TBC1D19: variants seen among roughly 807,000 people sequenced by gnomAD.
TBC1D19 encodes TBC1 domain family, member 19.
TBC1D19 carries 60 observed loss-of-function variants against 89.0 expected under a neutral mutation model. The ratio of observed to expected loss-of-function variants is 0.67; its 90% CI spans 0.55 to 0.84. TBC1D19 has a LOEUF of 0.84. Among genes scored for constraint, TBC1D19 ranks in the 40% least tolerant of loss-of-function variants. TBC1D19 has a pLI of 0.00. For synonymous variants in TBC1D19, 189 were observed against 199.7 expected (o/e 0.95, Z 0.45); for missense variants, 500 against 610.8 (o/e 0.82, Z 1.91).
At chr4:26,731,552 G>T (rs547821340) in intron 15 of TBC1D19, among the ~76,000 whole-genome samples, 6 of 152,276 alleles carry the variant, frequency 3.9e-5, no homozygotes, top group Admixed American at 3.3e-4. Flanking sequence ...ACCAGAAGGA[G>T]CCTGAGGATA....
At chr4:26,661,149 C>G (rs1472839126) in intron 8 of TBC1D19, among the ~76,000 whole-genome samples, 4 of 152,084 alleles carry the variant, frequency 2.6e-5, no homozygotes, top group African/African-American at 9.7e-5. Context: ...CCTCCTCCCC[C>G]ACAGAAGACC....
chr4:26,840,645 T>C, the TBC1D19 span, among the ~76,000 whole-genome samples: 1 of 152,180 alleles, frequency 6.6e-6, no homozygotes, highest in Admixed American at 6.5e-5. Context: ...TGGGAAATGT[T>C]GTAGACCCAG....
the TBC1D19 span, among the ~76,000 whole-genome samples, chr4:26,797,169 T>G: frequency 6.6e-6 from 1 of 152,024 alleles, no homozygotes; most frequent in Non-Finnish European, 1.5e-5. Flanking sequence ...CACTTGATAA[T>G]CAACTTCAGT....
At chr4:26,663,278 C>T (rs1745323976) in intron 8 of TBC1D19, among the ~76,000 whole-genome samples, 2 of 152,140 alleles carry the variant, frequency 1.3e-5, no homozygotes, top group African/African-American at 2.4e-5. Flanking sequence ...CATGCCTCAC[C>T]AGTGAAACAT....
chr4:26,653,966 C>T (rs1744596834), intron 7 of TBC1D19, among the ~76,000 whole-genome samples: 1 of 152,166 alleles, frequency 6.6e-6, no homozygotes, highest in Admixed American at 6.5e-5. Flanking sequence ...TTCTTCCTAG[C>T]CTTGATGGTC....
chr4:26,757,795 TGTCTAGTCTA>T (rs571716681), downstream of TBC1D19, among the ~76,000 whole-genome samples: 1 of 152,204 alleles, frequency 6.6e-6, no homozygotes, highest in South Asian at 2.1e-4. Flanking sequence ...CATTAAGAAG[TGTCTAGTCTA>T]GTCTAGTCTA....
chr4:26,712,515 A>G lies in TBC1D19; in HGVS notation c.955-5418A>G, dbSNP rs147992994. ...ATCCTTGGTTACATTGGGCCCAGCC[A>G]GACAATCCTAAATAATCTCCCCATT... is the stretch of plus-strand genomic sequence containing the variant. On this transcript the variant is annotated intron_variant, in intron 13 of 20. Transcript: ENST00000264866. Among the ~76,000 whole-genome samples, 14 of 152,208 alleles carry G rather than the reference A, an allele frequency of 9.2e-5. No individual in the cohort carries two copies. In the East Asian group the frequency reaches 2.7e-3, roughly 29 times the overall value.
the TBC1D19 span, among the ~76,000 whole-genome samples, chr4:26,804,360 GGT>G: frequency 1.3e-5 from 2 of 152,120 alleles, no homozygotes; most frequent in Non-Finnish European, 2.9e-5. Context: ...TGGCCAGGTT[GGT>G]CTTGAACTGC....
chr4:26,735,108 A>ACACATGTATATATGTATG lies in TBC1D19; in HGVS notation c.1085-347_1085-346insCACATGTATATATGTATG, dbSNP rs1317975746. On this transcript the variant is annotated intron_variant, in intron 15 of 20. Transcript: ENST00000264866. ...TATGTATACACATGTATATATGTAT[A>ACACATGTATATATGTATG]TATGTATACACATGTGTGTGTATAT... Among the ~76,000 whole-genome samples, 431 of 151,102 alleles carry ACACATGTATATATGTATG rather than the reference A, an allele frequency of 2.9e-3. 6 individuals carry two copies. Among genetic ancestry groups the ACACATGTATATATGTATG allele is most frequent in the African/African-American group, 9.9e-3 (405 of 40,954 alleles).
chr4:26,795,283 A>G, the TBC1D19 span, among the ~76,000 whole-genome samples: 4 of 151,982 alleles, frequency 2.6e-5, no homozygotes, highest in Non-Finnish European at 5.9e-5. Flanking sequence ...CTTAAATGTC[A>G]CTTTCCAGGG....
At chr4:26,636,488 T>TAG (rs1553901479) in intron 4 of TBC1D19, among the ~76,000 whole-genome samples, 2,323 of 131,000 alleles carry the variant, frequency 0.018, 47 homozygotes, top group East Asian at 0.064. Context: ...GTCAGTATCA[T>TAG]AAAAAAAAAA....
chr4:26,741,041 T>C (rs563360854), intron 17 of TBC1D19: 13 of 824,762 alleles, frequency 1.6e-5, no homozygotes, highest in African/African-American at 1.3e-4. Flanking sequence ...TAATCAGAAA[T>C]ATGACCAATA....
At chr4:26,664,727 G>C (rs1165723051) in intron 8 of TBC1D19, among the ~76,000 whole-genome samples, 2 of 151,462 alleles carry the variant, frequency 1.3e-5, no homozygotes, top group Admixed American at 6.6e-5. Context: ...CTCCCAGCTC[G>C]AATGCCTGGG....
intron 11 of TBC1D19, among the ~76,000 whole-genome samples, chr4:26,680,323 C>T (rs900714673): frequency 6.6e-6 from 1 of 152,170 alleles, no homozygotes; most frequent in Admixed American, 6.5e-5. Context: ...AACATACTTT[C>T]TCTTTACCCT....
At position 26,599,652 on chromosome 4, in the gene TBC1D19, A is replaced by T. The variant is rs1009713827; in HGVS notation, c.100-13517A>T. On this transcript the variant is annotated intron_variant, in intron 1 of 20. Transcript: ENST00000264866. ...TTATGAAGTCAACCTGCATCTTAAA[A>T]TTGAATTTGCTGGCCAAGTGCAGTG... 2.6e-5 allele frequency among the ~76,000 whole-genome samples: 4 copies of T among 152,232 alleles called. No homozygotes were observed. The East Asian group carries it at 7.7e-4, about 29-fold the overall frequency.
chr4:26,745,912 T>G (rs1176462129), intron 18 of TBC1D19, among the ~76,000 whole-genome samples: 1 of 152,200 alleles, frequency 6.6e-6, no homozygotes, highest in African/African-American at 2.4e-5. Flanking sequence ...AGAAGTGATA[T>G]CAATCCTTAT....
intron 9 of TBC1D19, among the ~76,000 whole-genome samples, chr4:26,668,989 A>G (rs886167883): frequency 2.0e-3 from 18 of 9,146 alleles, no homozygotes; most frequent in Admixed American, 0.018. Flanking sequence ...AAATACATAC[A>G]CACACACACA....
chr4:26,668,109 CT>C (rs1167588216), intron 9 of TBC1D19, among the ~76,000 whole-genome samples: 2 of 152,002 alleles, frequency 1.3e-5, no homozygotes, highest in East Asian at 3.9e-4. Flanking sequence ...CTACCCTGTG[CT>C]GCCTCCCTCC....
intron 7 of TBC1D19, among the ~76,000 whole-genome samples, chr4:26,650,664 G>T (rs1411456490): frequency 6.6e-6 from 1 of 152,122 alleles, no homozygotes; most frequent in Non-Finnish European, 1.5e-5. Flanking sequence ...TCTGTAGGTT[G>T]CCTGTTCACT....
Sources: allele counts gnomAD v4.1 joint callset (sites outside exome capture counted in the v4.1 genomes callset), GRCh38; gene constraint gnomAD v4.1.1; transcripts MANE v1.5; gene names NCBI Gene and HGNC (gene_info 2026-07-23, HGNC 2026-07-21).